The following PTPRD variants were observed in gnomAD, a reference collection of about 807,000 sequenced individuals.
PTPRD encodes the protein protein tyrosine phosphatase receptor type D.
A neutral mutation model predicts 214.5 loss-of-function variants in PTPRD; 34 were observed. That is an observed-to-expected ratio of 0.16 (90% CI 0.12 to 0.21). PTPRD has a LOEUF of 0.21. Ranked by LOEUF, PTPRD falls within the 10% of genes least tolerant of loss-of-function variation. The probability of loss-of-function intolerance (pLI) is 1.00; values close to 1 mark genes in which losing one functional copy is unlikely to be tolerated. For synonymous variants in PTPRD, 1,128 were observed against 845.7 expected, an observed-to-expected ratio of 1.33 and a Z score of -5.79; for missense variants, 2,545 against 2,398.7, an observed-to-expected ratio of 1.06 and a Z score of -1.27.
intron 5 of PTPRD, among the ~76,000 whole-genome samples, chr9:9,912,443 C>T (rs1447356160): frequency 6.6e-6 from 1 of 152,190 alleles, no homozygotes; most frequent in Non-Finnish European, 1.5e-5. Context: ...TTATCTTGGA[C>T]TCCTCAGCAT....
intron 7 of PTPRD, among the ~76,000 whole-genome samples, chr9:9,676,896 A>G (rs1028117293): frequency 3.3e-5 from 5 of 151,902 alleles, no homozygotes; most frequent in Non-Finnish European, 5.9e-5. Context: ...GCATTTTTTC[A>G]TGTGTTTTTT....
rs994022212 is a variant in PTPRD, at chr9:9,466,272, C to G, written c.-236-68790G>C. 2.0e-5 allele frequency among the ~76,000 whole-genome samples: 3 copies of G among 152,056 alleles called. 1 individual carries two copies. Among genetic ancestry groups the G allele is most frequent in the African/African-American group, 7.2e-5 (3 of 41,402 alleles). On this transcript the variant is annotated intron_variant, in intron 8 of 45. Coordinates refer to ENST00000381196, the MANE Select transcript of PTPRD (RefSeq NM_002839.4). Reference sequence around the variant, plus strand: ...TGCAGTGAGCTGTGATTGTGTCACTCTACTTCAGACTGGGCAACAGAGTGA... The same window carrying G: ...TGCAGTGAGCTGTGATTGTGTCACTGTACTTCAGACTGGGCAACAGAGTGA...
chr9:9,828,260 T>C (rs2153595756), intron 5 of PTPRD, among the ~76,000 whole-genome samples: 1 of 152,136 alleles, frequency 6.6e-6, no homozygotes, highest in Non-Finnish European at 1.5e-5. Context: ...AACCCAAATG[T>C]CCAACAATGA....
At chr9:8,465,786 G>C (rs2096533374) in intron 31 of PTPRD, 111 bp from the exon 32 acceptor site, 1 of 857,096 alleles carries the variant, frequency 1.2e-6, no homozygotes, top group Non-Finnish European at 1.8e-6. Context: ...AATGCAATTT[G>C]TTCACATTTC....
intron 3 of PTPRD, among the ~76,000 whole-genome samples, chr9:10,113,858 G>T (rs770753612): frequency 6.6e-6 from 1 of 152,164 alleles, no homozygotes; most frequent in African/African-American, 2.4e-5. Context: ...GCCACATTTT[G>T]ATTAGCAAGA....
intron 5 of PTPRD, among the ~76,000 whole-genome samples, chr9:9,827,373 C>A (rs1275506238): frequency 2.0e-5 from 3 of 152,098 alleles, no homozygotes; most frequent in Non-Finnish European, 4.4e-5. Context: ...GCTATCTGAT[C>A]TTTGACAAAC....
chr9:8,501,011 G>C lies in PTPRD; in HGVS notation c.1871C>G (p.Thr624Ser), dbSNP rs1341672103. The change falls in exon 24 of 46, where the codon ACT (threonine) becomes AGT (serine). Residue 624 changes from threonine to serine, a missense_variant. Transcript: ENST00000381196. ...QDISCTSPSS[T>S]SILVSWQPPP... ...AGGTTGCCAACTTACCAAAATACTA[G>C]TGGAACTTGGGCTGGTGCAACTAAT... The C allele has an allele frequency of 1.2e-6, 2 of 1,613,934 alleles. No individual in the cohort carries two copies. Among genetic ancestry groups the C allele is most frequent in the Admixed American group, 3.3e-5 (2 of 59,990 alleles).
intron 35 of PTPRD, among the ~76,000 whole-genome samples, chr9:8,421,414 G>C (rs1332454481): frequency 7.1e-6 from 1 of 141,028 alleles, no homozygotes; most frequent in African/African-American, 2.6e-5. Context: ...ACTTATGCAT[G>C]TATTAATTCC....
intron 11 of PTPRD, among the ~76,000 whole-genome samples, chr9:8,747,404 T>A (rs911639861): frequency 4.6e-5 from 7 of 151,886 alleles, no homozygotes; most frequent in Non-Finnish European, 7.4e-5. Flanking sequence ...CTATCAAACA[T>A]CAGGAAGCCA....
chr9:9,888,124 T>A (rs2071675868), intron 5 of PTPRD, among the ~76,000 whole-genome samples: 1 of 152,136 alleles, frequency 6.6e-6, no homozygotes, highest in South Asian at 2.1e-4. Context: ...TAAGGGAAGA[T>A]CAAATCTCTC....
At chr9:10,514,374 T>G (rs924522300) in intron 2 of PTPRD, among the ~76,000 whole-genome samples, 11 of 151,718 alleles carry the variant, frequency 7.3e-5, no homozygotes, top group Admixed American at 3.3e-4. Flanking sequence ...ATATGATCAT[T>G]AGCAGTCTTT....
intron 2 of PTPRD, among the ~76,000 whole-genome samples, chr9:10,372,373 C>T (rs2097644442): frequency 1.3e-5 from 2 of 151,856 alleles, no homozygotes; most frequent in Admixed American, 1.3e-4. Flanking sequence ...ATTAGTATTC[C>T]TTTTGTTCCT....
Position 10,591,425 on chromosome 9 carries a change from G to A in PTPRD, c.-600+20973C>T, listed in dbSNP as rs145589167. On this transcript the variant is annotated intron_variant, in intron 2 of 45. Transcript: ENST00000381196. Reference sequence around the variant, plus strand: ...TCTTAATTTTGTCTTGTTTTGCTTTGAGAGTTGTTTGCAGGAGATGTGAAC... The same window carrying A: ...TCTTAATTTTGTCTTGTTTTGCTTTAAGAGTTGTTTGCAGGAGATGTGAAC... Among the ~76,000 whole-genome samples the A allele has an allele frequency of 3.9e-5, 6 of 152,088 alleles. No homozygotes were observed. In the East Asian group the frequency reaches 1.2e-3, roughly 29 times the overall value.
Position 10,326,043 on chromosome 9 carries a change from AC to A in PTPRD, c.-545+14919del, listed in dbSNP as rs1280383729. Among the ~76,000 whole-genome samples, 21 of 151,944 alleles carry A rather than the reference AC, an allele frequency of 1.4e-4. No individual in the cohort carries two copies. In the East Asian group the frequency reaches 3.9e-3, roughly 28 times the overall value. On this transcript the variant is annotated intron_variant, in intron 3 of 45. Transcript: ENST00000381196. ...TTTGTCCAAACCGAGATTTTGATCCACTGATTAATTGTAAGGTAGATATATA... is the reference window on the plus strand; with the variant it reads ...TTTGTCCAAACCGAGATTTTGATCCATGATTAATTGTAAGGTAGATATATA...
intron 11 of PTPRD, among the ~76,000 whole-genome samples, chr9:8,969,706 C>T (rs2099224499): frequency 1.3e-5 from 2 of 151,614 alleles, no homozygotes; most frequent in Non-Finnish European, 2.9e-5. Flanking sequence ...ATGGATGGAT[C>T]GATGGGTAAA....
rs1002209071 is a variant in PTPRD, at chr9:8,324,289, G to C, written c.5535-4323C>G. On this transcript the variant is annotated intron_variant, in intron 44 of 45. Coordinates refer to ENST00000381196, the MANE Select transcript of PTPRD (RefSeq NM_002839.4). ...TGGCAGGCCCTGGTGTGTGATGTTC[G>C]CTTCCCTGCGTCCACGTGTTCTCAC... is the stretch of plus-strand genomic sequence containing the variant. 4.6e-5 allele frequency among the ~76,000 whole-genome samples: 7 copies of C among 152,018 alleles called. No individual in the cohort carries two copies. The East Asian group carries it at 7.7e-4, about 17-fold the overall frequency.
chr9:9,232,740 G>A (rs1293315144), intron 9 of PTPRD, among the ~76,000 whole-genome samples: 2 of 151,950 alleles, frequency 1.3e-5, no homozygotes, highest in African/African-American at 4.8e-5. Flanking sequence ...CCAAAGTATG[G>A]CACTATGACA....
chr9:9,268,214 C>G (rs546151009), intron 9 of PTPRD, among the ~76,000 whole-genome samples: 3 of 151,088 alleles, frequency 2.0e-5, no homozygotes, highest in African/African-American at 7.3e-5. Flanking sequence ...TTTCTGTATA[C>G]TAAGAATGAA....
chr9:10,204,736 C>T (rs186216530), intron 3 of PTPRD, among the ~76,000 whole-genome samples: 51 of 151,978 alleles, frequency 3.4e-4, no homozygotes, highest in Admixed American at 2.0e-3. Context: ...GAGAATAAAG[C>T]GTATATTCAG....
Sources: allele counts gnomAD v4.1 joint callset (sites outside exome capture counted in the v4.1 genomes callset), GRCh38; gene constraint gnomAD v4.1.1; transcripts MANE v1.5; gene names NCBI Gene and HGNC (gene_info 2026-07-23, HGNC 2026-07-21).